Variants in CDKAL1 observed in about 807,000 individuals in gnomAD.
The protein encoded by CDKAL1 is CDKAL1 threonylcarbamoyladenosine tRNA methylthiotransferase, also known as threonylcarbamoyladenosine tRNA methylthiotransferase.
CDKAL1 carries 32 observed loss-of-function variants against 68.2 expected under a neutral mutation model. That is an observed-to-expected ratio of 0.47 (90% CI 0.35 to 0.63). The LOEUF is 0.63. Ranked by LOEUF, CDKAL1 falls within the 30% of genes least tolerant of loss-of-function variation. The pLI, the probability that CDKAL1 is intolerant of heterozygous loss-of-function variation, is 0.00. For synonymous variants in CDKAL1, 234 were observed against 244.3 expected (o/e 0.96, Z 0.39); for missense variants, 606 against 696.7 (o/e 0.87, Z 1.47).
intron 12 of CDKAL1, among the ~76,000 whole-genome samples, chr6:21,104,968 A>G (rs1410681420): frequency 1.3e-5 from 2 of 152,198 alleles, no homozygotes; most frequent in African/African-American, 4.8e-5. Context: ...TTCTTGGGGC[A>G]TCTCCTAAGT....
At position 20,788,014 on chromosome 6, in the gene CDKAL1, T is replaced by A. The variant is rs117143509; in HGVS notation, c.638+6749T>A. ...TTACCCAATCTACTTATCTTGAGTG[T>A]CCCTTCTTTAACTGAGACCCTATTT... On this transcript the variant is annotated intron_variant, in intron 8 of 15. Coordinates refer to ENST00000274695, the MANE Select transcript of CDKAL1 (RefSeq NM_017774.3). Among the ~76,000 whole-genome samples the A allele has an allele frequency of 1.3e-4, 20 of 152,356 alleles. 1 individual carries two copies. In the East Asian group the frequency reaches 3.9e-3, roughly 29 times the overall value.
chr6:20,861,664 A>G (rs1341652062), intron 9 of CDKAL1, among the ~76,000 whole-genome samples: 2 of 152,212 alleles, frequency 1.3e-5, no homozygotes, highest in Non-Finnish European at 2.9e-5. Flanking sequence ...GCTGGCTTGC[A>G]CATGTGTCTT....
At chr6:21,112,860 G>C (rs1338724775) in intron 13 of CDKAL1, among the ~76,000 whole-genome samples, 1 of 152,160 alleles carries the variant, frequency 6.6e-6, no homozygotes, top group Non-Finnish European at 1.5e-5. Flanking sequence ...TAAAATTATT[G>C]TGTAATTCTC....
chr6:20,932,527 G>C (rs1763512213), intron 9 of CDKAL1, among the ~76,000 whole-genome samples: 1 of 152,042 alleles, frequency 6.6e-6, no homozygotes, highest in Non-Finnish European at 1.5e-5. Context: ...AACTACAAAG[G>C]GATTCCTGCT....
At chr6:20,986,740 T>C (rs1469850595) in intron 10 of CDKAL1, among the ~76,000 whole-genome samples, 1 of 152,190 alleles carries the variant, frequency 6.6e-6, no homozygotes, top group Admixed American at 6.5e-5. Context: ...TAAGTGGTAT[T>C]ATTAGACTTA....
chr6:20,929,086 T>C (rs938494997), intron 9 of CDKAL1, among the ~76,000 whole-genome samples: 1 of 152,196 alleles, frequency 6.6e-6, no homozygotes, highest in Non-Finnish European at 1.5e-5. Flanking sequence ...ACAGTGGAAG[T>C]GTAGCCTTTC....
chr6:20,891,683 C>T (rs563486751), intron 9 of CDKAL1, among the ~76,000 whole-genome samples: 12 of 152,016 alleles, frequency 7.9e-5, no homozygotes, highest in Non-Finnish European at 1.3e-4. Context: ...TACAGGCATG[C>T]GCCACCATGC....
intron 8 of CDKAL1, among the ~76,000 whole-genome samples, chr6:20,842,243 C>T (rs746167076): frequency 6.6e-6 from 1 of 152,136 alleles, no homozygotes; most frequent in East Asian, 1.9e-4. Flanking sequence ...TCTGATTTTA[C>T]ACTGCATGGC....
intron 5 of CDKAL1, among the ~76,000 whole-genome samples, chr6:20,669,800 T>C (rs1164710062): frequency 6.6e-6 from 1 of 152,158 alleles, no homozygotes; most frequent in East Asian, 1.9e-4. Context: ...CCTGGTTCCT[T>C]TCACTGGTGA....
chr6:20,841,744 C>A (rs1353014946), intron 8 of CDKAL1, among the ~76,000 whole-genome samples: 1 of 152,120 alleles, frequency 6.6e-6, no homozygotes, highest in East Asian at 1.9e-4. Context: ...CAAAAAAAAC[C>A]TTTTTTACAA....
At chr6:20,546,263 A>T in intron 2 of CDKAL1, 83 bp from the exon 3 acceptor site, 1 of 1,081,368 alleles carries the variant, frequency 9.2e-7, no homozygotes, top group Non-Finnish European at 1.3e-6. Context: ...ATTAGATTCA[A>T]ATTTGGTGAG....
chr6:20,783,572 C>T (rs1004961583), intron 8 of CDKAL1, among the ~76,000 whole-genome samples: 6 of 152,104 alleles, frequency 3.9e-5, no homozygotes, highest in South Asian at 2.1e-4. Context: ...TGTCCTTCCC[C>T]GTTCACCTCA....
chr6:20,947,222 A>C (rs1764281041), intron 9 of CDKAL1, among the ~76,000 whole-genome samples: 1 of 152,332 alleles, frequency 6.6e-6, no homozygotes, highest in African/African-American at 2.4e-5. Flanking sequence ...TTTGCTGTTT[A>C]AGTACAGATG....
chr6:21,025,795 C>T (rs966649882), intron 11 of CDKAL1, among the ~76,000 whole-genome samples: 2 of 152,064 alleles, frequency 1.3e-5, no homozygotes, highest in Non-Finnish European at 2.9e-5. Context: ...TGACAGCTTG[C>T]TAATTCATCT....
chr6:20,881,970 T>A (rs1380939672), intron 9 of CDKAL1, among the ~76,000 whole-genome samples: 1 of 152,222 alleles, frequency 6.6e-6, no homozygotes, highest in Non-Finnish European at 1.5e-5. Context: ...AACCACAAAT[T>A]TCTTTTCTTT....
chr6:20,721,499 A>G (rs965822536), intron 5 of CDKAL1, among the ~76,000 whole-genome samples: 2 of 152,120 alleles, frequency 1.3e-5, no homozygotes, highest in African/African-American at 2.4e-5. Context: ...TGTCTTTGCT[A>G]TTGTAATTAG....
chr6:20,977,071 C>G (rs1434086381), intron 10 of CDKAL1, among the ~76,000 whole-genome samples: 1 of 152,064 alleles, frequency 6.6e-6, no homozygotes, highest in Non-Finnish European at 1.5e-5. Flanking sequence ...AATTGCCCAT[C>G]ATGTATAAAA....
chr6:20,958,758 T>G (rs913820976), intron 10 of CDKAL1, among the ~76,000 whole-genome samples: 1 of 152,216 alleles, frequency 6.6e-6, no homozygotes, highest in African/African-American at 2.4e-5. Flanking sequence ...GACAGCCTTC[T>G]TGTGTTTTTA....
At chr6:21,133,968 C>T (rs1039654660) in intron 13 of CDKAL1, among the ~76,000 whole-genome samples, 3 of 152,148 alleles carry the variant, frequency 2.0e-5, no homozygotes, top group African/African-American at 4.8e-5. Flanking sequence ...TTAATTGCCT[C>T]TTGAAATACA....
Sources: gnomAD v4.1 joint callset for allele counts (sites outside exome capture counted in the v4.1 genomes callset) on GRCh38, gnomAD v4.1.1 for gene constraint, MANE v1.5 for transcripts, NCBI Gene and HGNC (gene_info 2026-07-23, HGNC 2026-07-21) for gene names.